WASL: variants seen among roughly 807,000 people sequenced by gnomAD.
The protein encoded by WASL is actin nucleation-promoting factor WASL.
Under a neutral mutation model 55.5 loss-of-function variants are expected in WASL, and 20 were observed. The observed-to-expected ratio is 0.36, with a 90% CI of 0.25 to 0.52. WASL has a LOEUF of 0.52. WASL is among the 20% of genes least tolerant of loss of function. The probability of loss-of-function intolerance (pLI) is 0.92; values close to 1 mark genes in which losing one functional copy is unlikely to be tolerated. For missense variants in WASL, 504 were observed against 622.5 expected (o/e 0.81, Z 2.03); for synonymous variants, 249 against 217.6 (o/e 1.14, Z -1.27).
At chr7:123,735,776 G>A (rs139044869) in intron 1 of WASL, among the ~76,000 whole-genome samples, 37 of 152,080 alleles carry the variant, frequency 2.4e-4, no homozygotes, top group African/African-American at 7.7e-4. Context: ...GGAGGAAGAC[G>A]AGGAGGACAG....
At chr7:123,729,390 T>C (rs1804103090) in intron 1 of WASL, among the ~76,000 whole-genome samples, 1 of 152,168 alleles carries the variant, frequency 6.6e-6, no homozygotes, top group Non-Finnish European at 1.5e-5. Flanking sequence ...TACTGGACAG[T>C]GAAGGACTAA....
chr7:123,691,349 G>C (rs1803404972), intron 9 of WASL, among the ~76,000 whole-genome samples: 1 of 152,062 alleles, frequency 6.6e-6, no homozygotes, highest in Admixed American at 6.5e-5. Flanking sequence ...ATAGGAGTCA[G>C]CAAACTTGAG....
intron 10 of WASL, among the ~76,000 whole-genome samples, chr7:123,687,159 T>C (rs1466586848): frequency 6.6e-6 from 1 of 152,050 alleles, no homozygotes; most frequent in Non-Finnish European, 1.5e-5. Context: ...TTTCAAACCA[T>C]CATCAAAACC....
At chr7:123,734,626 T>C (rs1490034840) in intron 1 of WASL, among the ~76,000 whole-genome samples, 1 of 133,480 alleles carries the variant, frequency 7.5e-6, no homozygotes, top group East Asian at 2.2e-4. Context: ...CAGTGAGTGA[T>C]AGGATTTCAG....
chr7:123,743,390 G>A (rs960331546), intron 1 of WASL, among the ~76,000 whole-genome samples: 1 of 151,024 alleles, frequency 6.6e-6, no homozygotes, highest in East Asian at 1.9e-4. Context: ...TGGTAGCAGA[G>A]CATGGACTAA....
At chr7:123,730,955 C>G (rs1804126917) in intron 1 of WASL, among the ~76,000 whole-genome samples, 1 of 152,048 alleles carries the variant, frequency 6.6e-6, no homozygotes, top group South Asian at 2.1e-4. Flanking sequence ...TCTCCTACCC[C>G]CCACCCTCAA....
intron 1 of WASL, among the ~76,000 whole-genome samples, chr7:123,715,237 T>C (rs779510177): frequency 6.6e-6 from 1 of 152,124 alleles, no homozygotes; most frequent in Non-Finnish European, 1.5e-5. Flanking sequence ...CACTGGTAAA[T>C]GGAAGGAGAA....
chr7:123,730,461 T>C (rs1453937120), intron 1 of WASL, among the ~76,000 whole-genome samples: 1 of 152,134 alleles, frequency 6.6e-6, no homozygotes, highest in Admixed American at 6.5e-5. Flanking sequence ...TACTCCACTA[T>C]TCACAAAGCA....
At position 123,692,531 on chromosome 7, in the gene WASL, G is replaced by C. The variant is rs1034268469; in HGVS notation, c.1163C>G (p.Pro388Arg). 3.8e-5 allele frequency: 62 copies of C among 1,614,062 alleles called. No individual in the cohort carries two copies. The highest frequency in any genetic ancestry group is 4.9e-5 in the Non-Finnish European group (58 of 1,180,022). The change falls in exon 9 of 11, where the codon CCG becomes CGG. Residue 388 changes from proline (P) to arginine (R), a missense_variant. Coordinates refer to ENST00000223023, the MANE Select transcript of WASL (RefSeq NM_003941.4). ...GTCCCCATCAGAAGGCAGGCCAGGC[G>C]GGGGCGGTGGCCCAGGAGGAGGTGG... The part of the protein sequence containing the change: ...PPPPPPGPPP[P>R]PGLPSDGDHQ...
intron 5 of WASL, among the ~76,000 whole-genome samples, chr7:123,704,263 T>C (rs1270945903): frequency 6.6e-6 from 1 of 152,190 alleles, no homozygotes; most frequent in Non-Finnish European, 1.5e-5. Flanking sequence ...ACAAATATTC[T>C]AGACAAAATG....
At chr7:123,740,595 CTTTTTTT>C (rs939774304) in intron 1 of WASL, among the ~76,000 whole-genome samples, 1 of 149,770 alleles carries the variant, frequency 6.7e-6, no homozygotes, top group African/African-American at 2.5e-5. Context: ...TTCATCATAA[CTTTTTTT>C]TTTGTTTTTA....
intron 1 of WASL, among the ~76,000 whole-genome samples, chr7:123,726,689 A>C (rs961272534): frequency 6.6e-6 from 1 of 152,056 alleles, no homozygotes; most frequent in Non-Finnish European, 1.5e-5. Flanking sequence ...ACATGGTGAA[A>C]CTCTCATCTC....
intron 9 of WASL, among the ~76,000 whole-genome samples, chr7:123,689,655 C>T (rs1440444923): frequency 1.3e-5 from 2 of 151,930 alleles, no homozygotes; most frequent in East Asian, 1.9e-4. Flanking sequence ...CAAAATGAAC[C>T]TCTTTTCTCA....
At position 123,692,524 on chromosome 7, in the gene WASL, G is replaced by A. The variant is rs750047209; in HGVS notation, c.1170C>T (p.Gly390=). The A allele has an allele frequency of 8.1e-6, 13 of 1,614,086 alleles. No homozygotes were observed. The Admixed American group carries it at 2.2e-4, about 27-fold the overall frequency. Residue 390 remains glycine (G), a synonymous_variant, in exon 9 of 11, where the codon GGC becomes GGT. Coordinates refer to ENST00000223023, the MANE Select transcript of WASL (RefSeq NM_003941.4). ...PPPPGPPPPP[G]LPSDGDHQVP... is the part of the protein sequence containing the mutation. ...CCTGATGGTCCCCATCAGAAGGCAGGCCAGGCGGGGGCGGTGGCCCAGGAG... is the reference window on the plus strand; with the variant it reads ...CCTGATGGTCCCCATCAGAAGGCAGACCAGGCGGGGGCGGTGGCCCAGGAG...
At chr7:123,732,484 C>CG (rs1358201126) in intron 1 of WASL, among the ~76,000 whole-genome samples, 1 of 152,116 alleles carries the variant, frequency 6.6e-6, no homozygotes, top group Non-Finnish European at 1.5e-5. Context: ...TGGAAAGACA[C>CG]GATCTATCAA....
chr7:123,730,146 G>C (rs897382147), intron 1 of WASL, among the ~76,000 whole-genome samples: 1 of 152,082 alleles, frequency 6.6e-6, no homozygotes, highest in Non-Finnish European at 1.5e-5. Flanking sequence ...TTTCGAAAGA[G>C]AAATAATTTT....
chr7:123,701,122 A>G (rs1803582744), intron 5 of WASL, among the ~76,000 whole-genome samples: 1 of 152,236 alleles, frequency 6.6e-6, no homozygotes, highest in South Asian at 2.1e-4. Flanking sequence ...AAAGTATATG[A>G]AAGATTTAGT....
chr7:123,745,511 T>C (rs886299011), intron 1 of WASL, among the ~76,000 whole-genome samples: 2 of 152,154 alleles, frequency 1.3e-5, no homozygotes, highest in Non-Finnish European at 2.9e-5. Flanking sequence ...TTGCAAAATA[T>C]AGACCAAAAA....
intron 9 of WASL, 151 bp downstream of exon 9, chr7:123,692,196 T>C (rs1803420549): frequency 4.5e-6 from 5 of 1,099,884 alleles, no homozygotes; most frequent in Non-Finnish European, 6.3e-6. Flanking sequence ...TGCATGTCAC[T>C]GCATGTAAAA....
Sources: gnomAD v4.1 joint callset for allele counts (sites outside exome capture counted in the v4.1 genomes callset) on GRCh38, gnomAD v4.1.1 for gene constraint, MANE v1.5 for transcripts, NCBI Gene and HGNC (gene_info 2026-07-23, HGNC 2026-07-21) for gene names.